Variants in CAP2 observed in about 807,000 individuals in gnomAD.
CAP2 encodes cyclase associated actin cytoskeleton regulatory protein 2.
A neutral mutation model predicts 57.7 loss-of-function variants in CAP2; 24 were observed. The ratio of observed to expected loss-of-function variants is 0.42; its 90% CI spans 0.30 to 0.58. The LOEUF is 0.58. CAP2 is among the 20% of genes least tolerant of loss of function. The pLI is 0.22. For synonymous variants in CAP2, 194 were observed against 207.2 expected, an observed-to-expected ratio of 0.94 and a Z score of 0.55; for missense variants, 501 against 590.3, an observed-to-expected ratio of 0.85 and a Z score of 1.57.
In CAP2 at chr6:17,406,372, A is replaced by G. The variant is rs190933698; in HGVS notation, c.-2+12626A>G. Among the ~76,000 whole-genome samples, 822 of 129,724 alleles carry G rather than the reference A, an allele frequency of 6.3e-3. 5 individuals are homozygous for G. Among genetic ancestry groups the G allele is most frequent in the African/African-American group, 0.025 (766 of 30,288 alleles). 85.1% of individuals were successfully genotyped at this position (129,724 alleles called of 152,430 possible). A position where few individuals can be genotyped will look rare whatever the true frequency, so the allele number is the denominator to read the frequency against. ...GGACCACAAGGTCCCCTGTTCCCCTACTTTTCTGTCAGTAAGCCCAGATTT... is the reference window on the plus strand; with the variant it reads ...GGACCACAAGGTCCCCTGTTCCCCTGCTTTTCTGTCAGTAAGCCCAGATTT... On this transcript the variant is annotated intron_variant, in intron 1 of 12. Transcript: ENST00000229922.
At chr6:17,477,629 A>C (rs1347295110) in intron 4 of CAP2, among the ~76,000 whole-genome samples, 2 of 152,200 alleles carry the variant, frequency 1.3e-5, no homozygotes, top group Admixed American at 6.5e-5. Flanking sequence ...TTTCCTCCCC[A>C]TATTTAGGGG....
At chr6:17,444,639 CAAA>C (rs59730697) in intron 3 of CAP2, among the ~76,000 whole-genome samples, 2 of 90,022 alleles carry the variant, frequency 2.2e-5, no homozygotes, top group African/African-American at 4.2e-5. Context: ...GACTCTGTCT[CAAA>C]AAAAAAAAAA....
intron 1 of CAP2, among the ~76,000 whole-genome samples, chr6:17,419,363 T>A (rs1759370817): frequency 6.6e-6 from 1 of 152,216 alleles, no homozygotes; most frequent in African/African-American, 2.4e-5. Context: ...CTCAGAGTGA[T>A]GCTTGGAAGG....
chr6:17,408,664 T>TG (rs1759054572), intron 1 of CAP2, among the ~76,000 whole-genome samples: 1 of 147,062 alleles, frequency 6.8e-6, no homozygotes, highest in South Asian at 2.2e-4. Flanking sequence ...AGCCTCCTTT[T>TG]TTTTTTTTTT....
intron 3 of CAP2, among the ~76,000 whole-genome samples, chr6:17,435,995 C>T (rs1054591921): frequency 2.0e-5 from 3 of 152,184 alleles, no homozygotes; most frequent in Admixed American, 2.0e-4. Flanking sequence ...GAAGGATACT[C>T]ATGGATAGAT....
At chr6:17,424,951 G>C (rs905885048) in intron 2 of CAP2, among the ~76,000 whole-genome samples, 10 of 152,156 alleles carry the variant, frequency 6.6e-5, no homozygotes, top group African/African-American at 2.4e-4. Context: ...AGGAGCCTTT[G>C]GGCTTGTGTC....
chr6:17,453,010 A>G (rs1422144323), intron 3 of CAP2, among the ~76,000 whole-genome samples: 3 of 152,246 alleles, frequency 2.0e-5, no homozygotes, highest in Non-Finnish European at 4.4e-5. Context: ...AGATACAGGG[A>G]TGTTATGGTT....
intron 1 of CAP2, among the ~76,000 whole-genome samples, chr6:17,416,528 G>A (rs373252368): frequency 6.4e-4 from 97 of 152,220 alleles, no homozygotes; most frequent in African/African-American, 2.1e-3. Flanking sequence ...AAGACAAAAG[G>A]CAATACGCAT....
chr6:17,498,772 A>G (rs1402002805), intron 4 of CAP2, among the ~76,000 whole-genome samples: 1 of 151,978 alleles, frequency 6.6e-6, no homozygotes, highest in African/African-American at 2.4e-5. Flanking sequence ...TCTGTCGCCC[A>G]GGCTGGAGTG....
chr6:17,540,216 G>A (rs934912384), intron 8 of CAP2, among the ~76,000 whole-genome samples: 1 of 152,134 alleles, frequency 6.6e-6, no homozygotes, highest in Non-Finnish European at 1.5e-5. Flanking sequence ...GCTCCAACTG[G>A]TTCTGCTGTG....
rs938381533 is a variant in CAP2 at position 17,489,251 on chromosome 6, G to A, written c.301-17918G>A. 9.9e-5 allele frequency among the ~76,000 whole-genome samples: 15 copies of A among 152,130 alleles called. 1 individual carries two copies. The highest frequency in any genetic ancestry group is 6.6e-5 in the Admixed American group (1 of 15,266). ...GTTCAAGACCAGCCTGGTCAACATG[G>A]TGAAACCCCATCTCTACTAAAAATA... On this transcript the variant is annotated intron_variant, in intron 4 of 12. Transcript: ENST00000229922.
chr6:17,412,806 G>A (rs750499845), intron 1 of CAP2, among the ~76,000 whole-genome samples: 2 of 152,160 alleles, frequency 1.3e-5, no homozygotes, highest in Non-Finnish European at 2.9e-5. Context: ...CACAGTGGAG[G>A]GGGCAAATGG....
chr6:17,499,572 C>T (rs1247869975), intron 4 of CAP2, among the ~76,000 whole-genome samples: 5 of 149,884 alleles, frequency 3.3e-5, no homozygotes, highest in Non-Finnish European at 7.4e-5. Flanking sequence ...AATATAGCTC[C>T]GGCACGGTGG....
At chr6:17,485,233 C>A (rs1160733468) in intron 4 of CAP2, among the ~76,000 whole-genome samples, 1 of 151,930 alleles carries the variant, frequency 6.6e-6, no homozygotes, top group Non-Finnish European at 1.5e-5. Flanking sequence ...TAAAGGATCT[C>A]AAAATTCTCT....
At position 17,432,057 on chromosome 6, in the gene CAP2, G is replaced by A. The variant is rs75688551; in HGVS notation, c.222+5367G>A. 2.6e-3 allele frequency among the ~76,000 whole-genome samples: 391 copies of A among 152,210 alleles called. 1 individual carries two copies. The highest frequency in any genetic ancestry group is 9.0e-3 in the African/African-American group (372 of 41,530). On this transcript the variant is annotated intron_variant, in intron 3 of 12. Transcript: ENST00000229922. ...CAGCCTCCTTCATCTGAAAGGACCC[G>A]GAGGCCTCTACCAGTCTGTGCTTTC...
chr6:17,544,159 A>T (rs1374469994), intron 11 of CAP2, among the ~76,000 whole-genome samples: 1 of 151,658 alleles, frequency 6.6e-6, no homozygotes, highest in East Asian at 1.9e-4. Flanking sequence ...AAGGACAGCT[A>T]TGTAATCTTT....
rs368348744 is a variant in CAP2 at position 17,506,781 on chromosome 6, G to A, written c.301-388G>A. ...GATGAAGTCATTTTACTAACCTTCC[G>A]GTCTTACCCAAATTTATACCAGGAT... On this transcript the variant is annotated intron_variant, in intron 4 of 12. Coordinates refer to ENST00000229922, the MANE Select transcript of CAP2 (RefSeq NM_006366.3). Among the ~76,000 whole-genome samples, 29 of 152,192 alleles carry A rather than the reference G, an allele frequency of 1.9e-4. No homozygotes were observed. The East Asian group carries it at 3.7e-3, about 19-fold the overall frequency.
chr6:17,543,883 G>C (rs1762972060), intron 11 of CAP2, among the ~76,000 whole-genome samples: 1 of 152,092 alleles, frequency 6.6e-6, no homozygotes, highest in Non-Finnish European at 1.5e-5. Context: ...CCAACACTTT[G>C]GGAGGCCAAG....
intron 7 of CAP2, among the ~76,000 whole-genome samples, chr6:17,536,830 G>A (rs1319195968): frequency 6.6e-6 from 1 of 152,168 alleles, no homozygotes; most frequent in African/African-American, 2.4e-5. Flanking sequence ...AGTGTCTGAG[G>A]ACTAGAATAC....
Sources: gnomAD v4.1 joint callset for allele counts (sites outside exome capture counted in the v4.1 genomes callset) on GRCh38, gnomAD v4.1.1 for gene constraint, MANE v1.5 for transcripts, NCBI Gene and HGNC (gene_info 2026-07-23, HGNC 2026-07-21) for gene names.